The following BABAM2 variants were observed in gnomAD, a reference collection of about 807,000 sequenced individuals.
The protein encoded by BABAM2 is BRISC and BRCA1 A complex member 2, also known as BRISC and BRCA1-A complex member 2.
Under a neutral mutation model 54.7 loss-of-function variants are expected in BABAM2, and 31 were observed. The observed-to-expected ratio is 0.57, with a 90% confidence interval of 0.43 to 0.77. The LOEUF (loss-of-function observed/expected upper bound fraction) is 0.77, where lower values mean the gene tolerates loss of function less well. BABAM2 is among the 30% of genes least tolerant of loss of function. The probability of loss-of-function intolerance (pLI) is 0.00; values close to 1 mark genes in which losing one functional copy is unlikely to be tolerated. For missense variants in BABAM2, 364 were observed against 455.8 expected (o/e 0.80, Z 1.83); for synonymous variants, 167 against 162.9 (o/e 1.03, Z -0.19).
intron 7 of BABAM2, among the ~76,000 whole-genome samples, chr2:28,153,095 C>G (rs1672206751): frequency 2.0e-5 from 3 of 152,026 alleles, no homozygotes; most frequent in Admixed American, 2.0e-4. Context: ...ACATTAACAC[C>G]TCATAGCATT....
Position 28,292,180 on chromosome 2 carries a change from G to A in BABAM2, c.935-6158G>A, listed in dbSNP as rs186092698. ...AGCGCAGAAATATATAGTTTGGAAG[G>A]TTTGAAGAAATGAAATAATGGCCAA... On this transcript the variant is annotated intron_variant, in intron 10 of 11. Coordinates refer to ENST00000379624, the MANE Select transcript of BABAM2 (RefSeq NM_199191.3). 2.9e-3 allele frequency among the ~76,000 whole-genome samples: 443 copies of A among 152,282 alleles called. 2 individuals are homozygous for A. Among genetic ancestry groups the A allele is most frequent in the African/African-American group, 1.0e-2 (414 of 41,552 alleles).
intron 3 of BABAM2, among the ~76,000 whole-genome samples, chr2:27,980,947 T>C (rs531797221): frequency 1.7e-4 from 26 of 152,226 alleles, no homozygotes; most frequent in African/African-American, 6.0e-4. Context: ...GATGGATATC[T>C]CAATTTCCTT....
intron 4 of BABAM2, among the ~76,000 whole-genome samples, chr2:28,005,230 A>G (rs1439065449): frequency 6.6e-6 from 1 of 152,158 alleles, no homozygotes; most frequent in Non-Finnish European, 1.5e-5. Context: ...GTTCATAGTG[A>G]ATACATCATA....
At chr2:27,948,388 C>T (rs976742644) in intron 3 of BABAM2, among the ~76,000 whole-genome samples, 9 of 152,172 alleles carry the variant, frequency 5.9e-5, no homozygotes, top group African/African-American at 2.2e-4. Flanking sequence ...CTGTGAATGA[C>T]AGTTTTAGTC....
At chr2:27,888,864 G>A (rs151139804), upstream of BABAM2, among the ~76,000 whole-genome samples, 14 of 152,234 alleles carry the variant, frequency 9.2e-5, no homozygotes, top group Admixed American at 1.3e-4. Context: ...TTACAGAAAA[G>A]TTTACTTACT....
intron 6 of BABAM2, among the ~76,000 whole-genome samples, chr2:28,119,508 T>C (rs1668883289): frequency 6.6e-6 from 1 of 152,310 alleles, no homozygotes; most frequent in Admixed American, 6.5e-5. Context: ...TAATAACTGA[T>C]TGGACAGTAT....
rs1690786556 is a variant in BABAM2, at chr2:28,329,720, C to T, written c.1089-8730C>T. ...CTACCAACCAAAAAAAGCCCAGGAC[C>T]AGATGAATTTACAGCTGAATTCTAC... is the stretch of plus-strand genomic sequence containing the variant. On this transcript the variant is annotated intron_variant, in intron 11 of 11. Coordinates refer to ENST00000379624, the MANE Select transcript of BABAM2 (RefSeq NM_199191.3). This position sits in a 1 kb window ranked among gnomAD's most constrained non-coding sequence, Gnocchi z 4.2. 6.6e-6 allele frequency among the ~76,000 whole-genome samples: 1 copy of T among 152,136 alleles called. No homozygotes were observed. Among genetic ancestry groups the T allele is most frequent in the South Asian group, 2.1e-4 (1 of 4,832 alleles).
chr2:27,890,227 C>A (rs369002158), upstream of BABAM2: 15 of 1,607,190 alleles, frequency 9.3e-6, no homozygotes, highest in African/African-American at 1.3e-5. The surrounding 1 kb of genome is among the most constrained non-coding windows in gnomAD (Gnocchi z 4.8). Flanking sequence ...TCCCCCGAGC[C>A]GCAGACTGAG....
chr2:28,316,525 C>T (rs890822773), intron 11 of BABAM2, among the ~76,000 whole-genome samples: 1 of 152,136 alleles, frequency 6.6e-6, no homozygotes, highest in Non-Finnish European at 1.5e-5. Context: ...GAACACACAT[C>T]AGCCTTTCCC....
intron 4 of BABAM2, among the ~76,000 whole-genome samples, chr2:28,012,824 A>G (rs1193688853): frequency 1.3e-5 from 2 of 152,226 alleles, no homozygotes; most frequent in Admixed American, 6.5e-5. Flanking sequence ...CAAGATAGAA[A>G]GGAATTTGCC....
At chr2:28,204,650 T>C (rs1474274535) in intron 7 of BABAM2, among the ~76,000 whole-genome samples, 1 of 152,174 alleles carries the variant, frequency 6.6e-6, no homozygotes, top group Admixed American at 6.5e-5. Flanking sequence ...AATATAAATG[T>C]CTTGTGTTAC....
At chr2:27,991,878 A>C (rs372003638) in intron 4 of BABAM2, among the ~76,000 whole-genome samples, 3 of 152,208 alleles carry the variant, frequency 2.0e-5, no homozygotes, top group African/African-American at 7.2e-5. Flanking sequence ...ATTTCTAGGA[A>C]TGGAATTGCA....
chr2:28,150,901 GA>G (rs1229887859), intron 7 of BABAM2, among the ~76,000 whole-genome samples: 1 of 152,172 alleles, frequency 6.6e-6, no homozygotes, highest in Non-Finnish European at 1.5e-5. Context: ...AACAATGTGA[GA>G]ATGATGAAAA....
intron 7 of BABAM2, among the ~76,000 whole-genome samples, chr2:28,183,314 G>A (rs535100404): frequency 4.6e-5 from 7 of 152,200 alleles, no homozygotes; most frequent in Non-Finnish European, 8.8e-5. Flanking sequence ...GGTGGTGGGT[G>A]CCTGTAATCC....
intron 7 of BABAM2, among the ~76,000 whole-genome samples, chr2:28,199,144 G>T (rs1677973185): frequency 6.6e-6 from 1 of 152,182 alleles, no homozygotes. Flanking sequence ...CCCTTTGCTG[G>T]GTCAGCATCG....
chr2:28,282,133 A>G (rs1212271513), intron 10 of BABAM2, among the ~76,000 whole-genome samples: 1 of 152,228 alleles, frequency 6.6e-6, no homozygotes, highest in Non-Finnish European at 1.5e-5. Context: ...TGTGGAAACC[A>G]TGGGAGAAGA....
chr2:28,155,668 C>T (rs1672477888), intron 7 of BABAM2, among the ~76,000 whole-genome samples: 2 of 152,238 alleles, frequency 1.3e-5, no homozygotes, highest in South Asian at 4.1e-4. Flanking sequence ...TATTTGTGTG[C>T]TGAGGGCCAG....
chr2:28,179,930 A>G (rs560909163), intron 7 of BABAM2, among the ~76,000 whole-genome samples: 10 of 152,332 alleles, frequency 6.6e-5, no homozygotes, highest in African/African-American at 1.9e-4. Context: ...GACCTCTACA[A>G]TGAAAACTAC....
In BABAM2 at chr2:28,062,055, C is replaced by T. The variant is rs370448400; in HGVS notation, c.570+16256C>T. On this transcript the variant is annotated intron_variant, in intron 6 of 11. Transcript: ENST00000379624. ...AGGGGATCACCTGAGGTCAGGAGTT[C>T]GAGACCAGCCTGGCCAACGTGGCAA... Among the ~76,000 whole-genome samples, 6 of 152,044 alleles carry T rather than the reference C, an allele frequency of 3.9e-5. No homozygotes were observed. In the East Asian group the frequency reaches 5.8e-4, roughly 15 times the overall value.
Sources: allele counts gnomAD v4.1 joint callset (sites outside exome capture counted in the v4.1 genomes callset), GRCh38; gene constraint gnomAD v4.1.1; non-coding constraint Gnocchi (gnomAD v3.1); transcripts MANE v1.5; gene names NCBI Gene and HGNC (gene_info 2026-07-23, HGNC 2026-07-21).